The following THSD7B variants were observed in gnomAD, a reference collection of about 807,000 sequenced individuals.
The protein encoded by THSD7B is thrombospondin type-1 domain-containing protein 7B.
Under a neutral mutation model 213.6 loss-of-function variants are expected in THSD7B, and 138 were observed. That is an observed-to-expected ratio of 0.65 (90% CI 0.56 to 0.74). THSD7B has a LOEUF of 0.74. Among genes scored for constraint, THSD7B ranks in the 30% least tolerant of loss-of-function variants. The probability of loss-of-function intolerance (pLI) is 0.00; values close to 1 mark genes in which losing one functional copy is unlikely to be tolerated. For missense variants in THSD7B, 1,931 were observed against 1,991.5 expected, an observed-to-expected ratio of 0.97 and a Z score of 0.58; for synonymous variants, 742 against 687.0, an observed-to-expected ratio of 1.08 and a Z score of -1.25.
chr2:137,415,020 C>T (rs55952202), intron 14 of THSD7B, among the ~76,000 whole-genome samples: 11,663 of 147,862 alleles, frequency 0.079, 689 homozygotes, highest in Non-Finnish European at 0.12. Flanking sequence ...CGTGCCACTG[C>T]ACTCTAGCCT....
chr2:137,151,441 T>C (rs1271869197), intron 5 of THSD7B, among the ~76,000 whole-genome samples: 1 of 151,972 alleles, frequency 6.6e-6, no homozygotes, highest in African/African-American at 2.4e-5. Flanking sequence ...TCTTGTCCCA[T>C]TGGAAGATCT....
At chr2:136,986,526 C>T (rs1183016400) in intron 2 of THSD7B, among the ~76,000 whole-genome samples, 1 of 152,204 alleles carries the variant, frequency 6.6e-6, no homozygotes, top group African/African-American at 2.4e-5. Context: ...GAACCAAGAA[C>T]CAGTTAAACC....
intron 12 of THSD7B, among the ~76,000 whole-genome samples, chr2:137,279,391 A>G (rs1180254645): frequency 6.6e-6 from 1 of 152,032 alleles, no homozygotes; most frequent in East Asian, 1.9e-4. Context: ...AAATTTTAAA[A>G]AAAGAGCCAG....
At chr2:137,072,842 T>A (rs765315085) in intron 3 of THSD7B, among the ~76,000 whole-genome samples, 25 of 152,200 alleles carry the variant, frequency 1.6e-4, no homozygotes, top group Non-Finnish European at 3.4e-4. Context: ...AAAGGCCTTT[T>A]CTGCATCTAT....
intron 5 of THSD7B, among the ~76,000 whole-genome samples, chr2:137,131,423 CT>C (rs1688729927): frequency 6.6e-6 from 1 of 152,042 alleles, no homozygotes; most frequent in Admixed American, 6.6e-5. Context: ...GTTGCCATTG[CT>C]TTTGGTGTTT....
chr2:137,256,253 G>T (rs1358344817), intron 10 of THSD7B, among the ~76,000 whole-genome samples: 8 of 152,160 alleles, frequency 5.3e-5, no homozygotes, highest in Admixed American at 5.2e-4. Flanking sequence ...CCAACTGCTA[G>T]TTACATTAAG....
chr2:136,881,947 A>G (rs1573686662), intron 1 of THSD7B, among the ~76,000 whole-genome samples, 197 bp from the exon 2 acceptor site: 3 of 152,300 alleles, frequency 2.0e-5, no homozygotes, highest in East Asian at 3.9e-4. Context: ...CACTACAAAA[A>G]ATAATACAAA....
At chr2:136,802,817 G>C (rs2104923440) in intron 1 of THSD7B, among the ~76,000 whole-genome samples, 1 of 151,086 alleles carries the variant, frequency 6.6e-6, no homozygotes, top group African/African-American at 2.4e-5. Flanking sequence ...AGAAATGTGA[G>C]ACCTCCCTCT....
At chr2:137,203,035 G>T (rs1474510495) in intron 7 of THSD7B, among the ~76,000 whole-genome samples, 1 of 111,720 alleles carries the variant, frequency 9.0e-6, no homozygotes, top group African/African-American at 3.7e-5. Flanking sequence ...GACATAGATA[G>T]ATAATGATGG....
chr2:137,412,145 G>A (rs1406880628), intron 14 of THSD7B, among the ~76,000 whole-genome samples: 1 of 152,028 alleles, frequency 6.6e-6, no homozygotes, highest in Non-Finnish European at 1.5e-5. Flanking sequence ...GGTCAGCACT[G>A]CTGCTCCACT....
intron 15 of THSD7B, among the ~76,000 whole-genome samples, chr2:137,458,735 T>C (rs1687820315): frequency 6.6e-6 from 1 of 152,200 alleles, no homozygotes; most frequent in Non-Finnish European, 1.5e-5. Flanking sequence ...ATGTGCATGG[T>C]CTGTCCCTTT....
intron 18 of THSD7B, among the ~76,000 whole-genome samples, 183 bp from the exon 19 acceptor site, chr2:137,618,209 T>A (rs1301620860): frequency 6.6e-6 from 1 of 152,180 alleles, no homozygotes; most frequent in Non-Finnish European, 1.5e-5. Flanking sequence ...CTTTTCTTTG[T>A]GTATTTGTTT....
chr2:137,546,373 T>TA lies in THSD7B; in HGVS notation c.3139-16847dup, dbSNP rs1228422763. The stretch of plus-strand genomic sequence containing the variant: ...AGCATATATATATATTATATATATA[T>TA]ATAATATATATATTATATATATTAT... On this transcript the variant is annotated intron_variant, in intron 15 of 27. Transcript: ENST00000409968. Among the ~76,000 whole-genome samples, 130 of 55,010 alleles carry TA rather than the reference T, an allele frequency of 2.4e-3. 19 individuals are homozygous for TA. The highest frequency in any genetic ancestry group is 0.015 in the Middle Eastern group (2 of 136). The allele number at this position is 55,010 out of a possible 152,430, so 36.1% of individuals were successfully genotyped here. A position where few individuals can be genotyped will look rare whatever the true frequency, so the allele number is the denominator to read the frequency against.
At chr2:137,373,623 A>G (rs1027419729) in intron 12 of THSD7B, among the ~76,000 whole-genome samples, 40 of 152,234 alleles carry the variant, frequency 2.6e-4, no homozygotes, top group South Asian at 2.1e-3. Flanking sequence ...AGTAGGTTGC[A>G]AAAATTTTCT....
At chr2:136,845,513 GGTTT>G (rs1232970831) in intron 1 of THSD7B, among the ~76,000 whole-genome samples, 1 of 152,090 alleles carries the variant, frequency 6.6e-6, no homozygotes, top group African/African-American at 2.4e-5. Flanking sequence ...TTTGTACCCT[GGTTT>G]GTTTATGTAT....
chr2:137,346,226 C>T (rs1373461846), intron 12 of THSD7B, among the ~76,000 whole-genome samples: 2 of 151,630 alleles, frequency 1.3e-5, no homozygotes, highest in Non-Finnish European at 3.0e-5. Flanking sequence ...AACTCTCTAG[C>T]CACTGAAACG....
chr2:137,663,644 T>C lies in THSD7B; in HGVS notation c.4651+69T>C. 3 of 1,360,420 alleles carry C rather than the reference T, an allele frequency of 2.2e-6. No homozygotes were observed. The South Asian group carries it at 4.4e-5, about 20-fold the overall frequency. The allele number at this position is 1,360,420 out of a possible 1,614,324, so 84.3% of individuals were successfully genotyped here. A position where few individuals can be genotyped will look rare whatever the true frequency, so the allele number is the denominator to read the frequency against. On this transcript the variant is annotated intron_variant, in intron 26 of 27. Coordinates refer to ENST00000409968, the MANE Select transcript of THSD7B (RefSeq NM_001316349.2). ...AGGTCTATATTTTGACCACTTCTCA[T>C]GATGGAAAGAATGGAGGGAAGGAGG... is the stretch of plus-strand genomic sequence containing the variant.
At chr2:137,049,210 G>T (rs887255958) in intron 2 of THSD7B, among the ~76,000 whole-genome samples, 21 of 152,232 alleles carry the variant, frequency 1.4e-4, no homozygotes, top group African/African-American at 5.1e-4. Flanking sequence ...GACAGGGGCA[G>T]GGGCTTTCGG....
At chr2:136,957,906 A>C (rs1470646352) in intron 2 of THSD7B, among the ~76,000 whole-genome samples, 1 of 152,224 alleles carries the variant, frequency 6.6e-6, no homozygotes, top group East Asian at 1.9e-4. Flanking sequence ...GAGGATTAAT[A>C]TGCTGCCTAT....
Sources: allele counts gnomAD v4.1 joint callset (sites outside exome capture counted in the v4.1 genomes callset), GRCh38; gene constraint gnomAD v4.1.1; transcripts MANE v1.5; gene names NCBI Gene and HGNC (gene_info 2026-07-23, HGNC 2026-07-21).